DPH6: variants seen among roughly 807,000 people sequenced by gnomAD.
The protein encoded by DPH6 is diphthine--ammonia ligase.
DPH6 carries 33 observed loss-of-function variants against 38.2 expected under a neutral mutation model. The ratio of observed to expected loss-of-function variants is 0.86; its 90% CI spans 0.65 to 1.15. The LOEUF is 1.15. Ranked by LOEUF, DPH6 falls within the 50% of genes most tolerant of loss-of-function variation. The pLI is 0.00. For synonymous variants in DPH6, 108 were observed against 103.0 expected, an observed-to-expected ratio of 1.05 and a Z score of -0.30; for missense variants, 325 against 320.0, an observed-to-expected ratio of 1.02 and a Z score of -0.12.
chr15:35,489,700 A>G, intron 3 of DPH6: 1 of 974,750 alleles, frequency 1.0e-6, no homozygotes, highest in East Asian at 1.1e-4. Context: ...TTTGTCTAAT[A>G]ATAAAAGGTT....
At chr15:35,216,462 T>C (rs1218934017), downstream of DPH6, among the ~76,000 whole-genome samples, 1 of 152,340 alleles carries the variant, frequency 6.6e-6, no homozygotes, top group East Asian at 1.9e-4. Flanking sequence ...TTTAGTCACA[T>C]GACTGAATTA....
At chr15:35,344,354 T>C (rs1419115433) in intron 3 of DPH6, among the ~76,000 whole-genome samples, 1 of 151,970 alleles carries the variant, frequency 6.6e-6, no homozygotes, top group African/African-American at 2.4e-5. Context: ...TAATTAGGCT[T>C]GGGTCAAAAG....
At chr15:35,266,712 A>C (rs960496439) in intron 3 of DPH6, among the ~76,000 whole-genome samples, 1 of 152,210 alleles carries the variant, frequency 6.6e-6, no homozygotes, top group Non-Finnish European at 1.5e-5. Context: ...CCACATAGAC[A>C]TAACTTAAGA....
chr15:35,174,927 T>C, the DPH6 span, among the ~76,000 whole-genome samples: 1 of 152,210 alleles, frequency 6.6e-6, no homozygotes, highest in Non-Finnish European at 1.5e-5. Flanking sequence ...GTGTATCTCT[T>C]ACCTGCCTTC....
intron 7 of DPH6, among the ~76,000 whole-genome samples, chr15:35,375,604 T>G (rs2140928012): frequency 6.6e-6 from 1 of 152,268 alleles, no homozygotes; most frequent in East Asian, 1.9e-4. Flanking sequence ...CCCAGCTGGC[T>G]GTCCTCCTTT....
chr15:35,279,064 AAAAAATAT>A (rs1031167183), intron 3 of DPH6, among the ~76,000 whole-genome samples: 9 of 124,038 alleles, frequency 7.3e-5, no homozygotes, highest in African/African-American at 3.2e-4. Flanking sequence ...AAAAAAAAAA[AAAAAATAT>A]ATATATATAT....
chr15:35,261,998 G>A lies in DPH6; in HGVS notation n.201-41416C>T, dbSNP rs72708907. 1.7e-3 allele frequency among the ~76,000 whole-genome samples: 259 copies of A among 152,204 alleles called. 1 individual carries two copies. The highest frequency in any genetic ancestry group is 4.8e-3 in the East Asian group (25 of 5,188). On this transcript the variant is annotated intron_variant and non_coding_transcript_variant, in intron 3 of 3. Coordinates refer to the DPH6 transcript ENST00000560386. ...CTATATTTCAAAGGTGACAGGGGTG[G>A]AGACATACAAAAAAGGGTCCTCATG...
rs184627247 is a variant in DPH6, at chr15:35,535,662, A to G, written c.312+2612T>C. On this transcript the variant is annotated intron_variant, in intron 3 of 8. Transcript: ENST00000256538. ...ACAGTTATCCATTAAACTAAACTAG[A>G]TAAGAACAGAAGTTACATTTTAACA... Among the ~76,000 whole-genome samples the G allele has an allele frequency of 2.4e-4, 37 of 152,246 alleles. No individual in the cohort carries two copies. The East Asian group carries it at 3.3e-3, about 13-fold the overall frequency.
At chr15:35,346,120 T>C (rs1297781798) in intron 3 of DPH6, among the ~76,000 whole-genome samples, 27 of 152,038 alleles carry the variant, frequency 1.8e-4, no homozygotes, top group Admixed American at 1.7e-3. Context: ...TAAAAGGACA[T>C]GCAGTCATCT....
At chr15:35,436,383 G>A (rs993893213) in intron 5 of DPH6, among the ~76,000 whole-genome samples, 22 of 151,800 alleles carry the variant, frequency 1.4e-4, no homozygotes, top group African/African-American at 4.8e-4. Context: ...GGAGAATGGC[G>A]TGAACCAGGG....
intron 3 of DPH6, among the ~76,000 whole-genome samples, chr15:35,266,085 G>A (rs1475824230): frequency 6.6e-6 from 1 of 152,020 alleles, no homozygotes; most frequent in African/African-American, 2.4e-5. Context: ...AAAACATATA[G>A]GCCAAAAGTA....
intron 3 of DPH6, among the ~76,000 whole-genome samples, chr15:35,233,585 C>T (rs1005498287): frequency 2.2e-4 from 34 of 152,150 alleles, no homozygotes; most frequent in Admixed American, 2.0e-3. Context: ...CCTAAAGAAC[C>T]CTGGTTTCTT....
intron 5 of DPH6, among the ~76,000 whole-genome samples, chr15:35,429,256 T>C (rs1441077219): frequency 6.6e-6 from 1 of 152,192 alleles, no homozygotes; most frequent in Non-Finnish European, 1.5e-5. Flanking sequence ...TCTATGACTT[T>C]TCTCTTCAGT....
At chr15:35,303,460 A>G (rs1356300157) in intron 3 of DPH6, among the ~76,000 whole-genome samples, 2 of 151,950 alleles carry the variant, frequency 1.3e-5, no homozygotes, top group Non-Finnish European at 2.9e-5. Flanking sequence ...TAATTAGGAA[A>G]CCAAGATTCA....
At chr15:35,280,216 T>A (rs1438190741) in intron 3 of DPH6, among the ~76,000 whole-genome samples, 2 of 152,240 alleles carry the variant, frequency 1.3e-5, no homozygotes, top group African/African-American at 2.4e-5. Flanking sequence ...CTAGTTCCAA[T>A]TCATAGTAGC....
In DPH6 at chr15:35,363,539, T is replaced by C. The variant is rs980290047; in HGVS notation, n.207+9982A>G. Among the ~76,000 whole-genome samples the C allele has an allele frequency of 4.6e-5, 7 of 152,072 alleles. No homozygotes were observed. The South Asian group carries it at 1.0e-3, about 23-fold the overall frequency. On this transcript the variant is annotated intron_variant and non_coding_transcript_variant, in intron 3 of 3. Coordinates refer to the DPH6 transcript ENST00000558973. ...TTAGTGGTGTCTCTTTCAAAGAGCA[T>C]AGACTTTGGGTTTGCCTTCTAGTCA...
At chr15:35,347,005 G>T (rs531011352) in intron 3 of DPH6, among the ~76,000 whole-genome samples, 1 of 151,766 alleles carries the variant, frequency 6.6e-6, no homozygotes. Context: ...CAGGTATCTG[G>T]TTATAGCATA....
At chr15:35,298,976 A>C (rs2052034685) in intron 3 of DPH6, 2 of 763,476 alleles carry the variant, frequency 2.6e-6, no homozygotes, top group Non-Finnish European at 4.8e-6. Context: ...CCTAATCTTC[A>C]TCTTCATCAG....
the DPH6 span, among the ~76,000 whole-genome samples, chr15:35,204,831 T>C: frequency 9.9e-5 from 15 of 151,708 alleles, no homozygotes; most frequent in Admixed American, 5.3e-4. Flanking sequence ...CATTGAAGAG[T>C]TGCCTGCGAG....
Sources: gnomAD v4.1 joint callset for allele counts (sites outside exome capture counted in the v4.1 genomes callset) on GRCh38, gnomAD v4.1.1 for gene constraint, MANE v1.5 for transcripts, NCBI Gene and HGNC (gene_info 2026-07-23, HGNC 2026-07-21) for gene names.